Variants in DNAH7 observed in about 807,000 individuals in gnomAD.
DNAH7 encodes axonemal beta dynein heavy chain 7.
In DNAH7, 397 loss-of-function variants were observed where a neutral mutation model predicts 444.6. That is an observed-to-expected ratio of 0.89 (90% CI 0.82 to 0.97). The LOEUF (loss-of-function observed/expected upper bound fraction) is 0.97. Among genes scored for constraint, DNAH7 ranks in the 50% least tolerant of loss-of-function variants. DNAH7 has a pLI of 0.00. For synonymous variants in DNAH7, 1,636 were observed against 1,624.4 expected (o/e 1.01, Z -0.17); for missense variants, 4,902 against 4,800.8 (o/e 1.02, Z -0.62).
chr2:195,794,535 A>T lies in DNAH7; in HGVS notation c.10519T>A (p.Leu3507Ile). 6.2e-7 allele frequency: 1 copy of T among 1,614,058 alleles called. No individual in the cohort carries two copies. The highest frequency in any genetic ancestry group is 8.5e-7 in the Non-Finnish European group (1 of 1,179,922). The change falls in exon 57 of 65, where the codon TTA becomes ATA. Residue 3507 changes from leucine to isoleucine, a missense_variant. By Grantham distance (5) the Leu-to-Ile change is conservative. Transcript: ENST00000312428. ...TCTGGATGTGTTGACTCTGGGCTTA[A>T]CTCCTGTAAGAAAATAAATCAGATA... The part of the protein sequence containing the change: ...MPTLEKVCEE[L>I]SPESTHPDFR...
At chr2:196,068,628 T>G in intron 1 of DNAH7, 69 bp downstream of exon 1, 1 of 1,546,372 alleles carries the variant, frequency 6.5e-7, no homozygotes, top group Non-Finnish European at 8.7e-7. Context: ...AGGAGGGGCT[T>G]CCACCACTTC....
In DNAH7 at chr2:196,012,773, T is replaced by C. The variant is rs745656040; in HGVS notation, c.989+14A>G. The C allele has an allele frequency of 9.4e-6, 15 of 1,597,770 alleles. No homozygotes were observed. In the East Asian group the frequency reaches 3.4e-4, roughly 36 times the overall value. ...TAAACTTATGCTTTCCTACATGAAA[T>C]TTCAAACCTTTACATTTTAAGTAGA... is the stretch of plus-strand genomic sequence containing the variant. On this transcript the variant is annotated intron_variant, in intron 10 of 64. Transcript: ENST00000312428.
chr2:195,806,534 T>C (rs1696719180), intron 54 of DNAH7, among the ~76,000 whole-genome samples: 2 of 152,152 alleles, frequency 1.3e-5, no homozygotes, highest in African/African-American at 4.8e-5. Context: ...AATTATACAA[T>C]ATAATCCAAC....
chr2:195,782,064 T>C (rs7596016), intron 58 of DNAH7, among the ~76,000 whole-genome samples: 103,743 of 151,234 alleles, frequency 0.69, 36,084 homozygotes, highest in Non-Finnish European at 0.73. Flanking sequence ...TGCCCATCTG[T>C]CAAGTAGATA....
At chr2:196,058,901 C>T (rs553433083) in intron 1 of DNAH7, among the ~76,000 whole-genome samples, 163 of 152,272 alleles carry the variant, frequency 1.1e-3, no homozygotes, top group Non-Finnish European at 1.9e-3. Flanking sequence ...AACAAATTGG[C>T]AGACTCACAC....
intron 61 of DNAH7, among the ~76,000 whole-genome samples, chr2:195,769,949 A>G (rs1486873329): frequency 6.6e-6 from 1 of 152,192 alleles, no homozygotes; most frequent in East Asian, 1.9e-4. Context: ...TCTACCAGGC[A>G]TTTCAAAATT....
At chr2:195,942,068 G>A (rs1689486991) in intron 19 of DNAH7, among the ~76,000 whole-genome samples, 1 of 152,024 alleles carries the variant, frequency 6.6e-6, no homozygotes, top group African/African-American at 2.4e-5. Flanking sequence ...GGGGGAGACA[G>A]ACAATAAATA....
At chr2:196,014,984 G>A (rs552135322) in intron 9 of DNAH7, among the ~76,000 whole-genome samples, 1 of 151,898 alleles carries the variant, frequency 6.6e-6, no homozygotes, top group Admixed American at 6.6e-5. Context: ...AATGGATGCT[G>A]GCTTGTTTCC....
intron 8 of DNAH7, among the ~76,000 whole-genome samples, chr2:196,022,861 T>C (rs964179407): frequency 3.3e-5 from 5 of 152,214 alleles, no homozygotes; most frequent in African/African-American, 9.6e-5. Flanking sequence ...CTATAGTAGA[T>C]ATAGCCTTTC....
At chr2:195,740,484 GTATT>G (rs893445111) in intron 64 of DNAH7, among the ~76,000 whole-genome samples, 2 of 151,810 alleles carry the variant, frequency 1.3e-5, no homozygotes, top group African/African-American at 2.4e-5. Context: ...AAAGAACCCT[GTATT>G]TATTTCCCCA....
intron 5 of DNAH7, among the ~76,000 whole-genome samples, chr2:196,040,699 A>T (rs1013244947): frequency 1.3e-5 from 2 of 152,150 alleles, no homozygotes; most frequent in African/African-American, 2.4e-5. Flanking sequence ...TTTATTCAAC[A>T]TTGTACCAGA....
intron 47 of DNAH7, among the ~76,000 whole-genome samples, chr2:195,839,567 C>T (rs1698559852): frequency 6.6e-6 from 1 of 151,560 alleles, no homozygotes; most frequent in Admixed American, 6.6e-5. Flanking sequence ...AAAAACAATG[C>T]AACCAAAGGC....
chr2:195,873,261 G>A (rs1449729801), intron 39 of DNAH7, among the ~76,000 whole-genome samples: 1 of 152,184 alleles, frequency 6.6e-6, no homozygotes, highest in Non-Finnish European at 1.5e-5. Context: ...CAGAACTCAA[G>A]TTCTACTAGA....
At chr2:195,816,522 GT>G in intron 51 of DNAH7, 105 bp downstream of exon 51, 2 of 785,750 alleles carry the variant, frequency 2.5e-6, no homozygotes, top group Non-Finnish European at 4.0e-6. Flanking sequence ...TTTTAGGTAA[GT>G]GGCTGTAATG....
chr2:195,990,748 C>T (rs1693245891), intron 12 of DNAH7, among the ~76,000 whole-genome samples: 1 of 146,566 alleles, frequency 6.8e-6, no homozygotes, highest in African/African-American at 2.5e-5. Context: ...ATGCCAGTAC[C>T]ATGATGTTTA....
In DNAH7 at chr2:195,864,792, T is replaced by G; in HGVS notation, c.6863A>C (p.Asp2288Ala). 1 of 1,614,240 alleles carries G rather than the reference T, an allele frequency of 6.2e-7. No homozygotes were observed. The highest frequency in any genetic ancestry group is 8.5e-7 in the Non-Finnish European group (1 of 1,180,030). The change falls in exon 41 of 65, where the codon GAT (aspartate) becomes GCT (alanine). Residue 2288 changes from aspartate (D) to alanine (A), a missense_variant. Transcript: ENST00000312428. ...TACTATCATTCGAAGATTATCCACA[T>G]CTGCGATTTCTCTGTAGTTGGTATC... is the stretch of plus-strand genomic sequence containing the variant. ...REDTNYREIA[D>A]VDNLRMIVEI...
At chr2:195,815,128 T>C (rs1198810665) in intron 51 of DNAH7, among the ~76,000 whole-genome samples, 1 of 151,832 alleles carries the variant, frequency 6.6e-6, no homozygotes, top group Non-Finnish European at 1.5e-5. Flanking sequence ...ATTAACTAAC[T>C]TATAATGCAA....
At chr2:196,046,066 CA>C (rs938613349) in intron 5 of DNAH7, among the ~76,000 whole-genome samples, 3 of 144,624 alleles carry the variant, frequency 2.1e-5, no homozygotes, top group Admixed American at 6.9e-5. Flanking sequence ...AACACAGAAA[CA>C]AAAAAAAAAC....
At chr2:195,803,545 G>A (rs1696573271) in intron 54 of DNAH7, among the ~76,000 whole-genome samples, 1 of 152,212 alleles carries the variant, frequency 6.6e-6, no homozygotes, top group African/African-American at 2.4e-5. Flanking sequence ...ACAGAATTGG[G>A]TTTGCCTCTT....
Sources: gnomAD v4.1 joint callset for allele counts (sites outside exome capture counted in the v4.1 genomes callset) on GRCh38, gnomAD v4.1.1 for gene constraint, MANE v1.5 for transcripts, NCBI Gene and HGNC (gene_info 2026-07-23, HGNC 2026-07-21) for gene names.